The following NXPH1 variants were observed in gnomAD, a reference collection of about 807,000 sequenced individuals.
NXPH1 encodes neurexophilin 1.
A neutral mutation model predicts 23.7 loss-of-function variants in NXPH1; 5 were observed. The observed-to-expected ratio is 0.21, with a 90% CI of 0.11 to 0.44. NXPH1 has a LOEUF of 0.44. Among genes scored for constraint, NXPH1 ranks in the 20% least tolerant of loss-of-function variants. The pLI is 0.99. For synonymous variants in NXPH1, 144 were observed against 122.2 expected, an observed-to-expected ratio of 1.18 and a Z score of -1.18; for missense variants, 324 against 321.6, an observed-to-expected ratio of 1.01 and a Z score of -0.06.
chr7:8,512,383 G>C (rs780214204), intron 2 of NXPH1, among the ~76,000 whole-genome samples: 7 of 152,096 alleles, frequency 4.6e-5, no homozygotes, highest in Non-Finnish European at 7.4e-5. Flanking sequence ...TGAGAACACA[G>C]AGGTATATAA....
rs148569108 is a variant in NXPH1 at position 8,684,913 on chromosome 7, G to A, written c.55-66095G>A. ...ATAATGTGTGGGTTTGATTTCAAGT[G>A]TAGATGATCCAGGATGTGTTTTAAA... On this transcript the variant is annotated intron_variant, in intron 2 of 2. Transcript: ENST00000405863. Among the ~76,000 whole-genome samples, 219 of 152,244 alleles carry A rather than the reference G, an allele frequency of 1.4e-3. 1 individual carries two copies. The highest frequency in any genetic ancestry group is 3.5e-3 in the African/African-American group (146 of 41,570).
intron 2 of NXPH1, among the ~76,000 whole-genome samples, chr7:8,561,351 G>GACACAC (rs61219039): frequency 0.077 from 10,836 of 140,830 alleles, 494 homozygotes; most frequent in African/African-American, 0.12. Context: ...AAGCCTATGT[G>GACACAC]ACACACACAC....
At chr7:8,607,223 A>G (rs554703018) in intron 2 of NXPH1, among the ~76,000 whole-genome samples, 13 of 152,286 alleles carry the variant, frequency 8.5e-5, no homozygotes, top group African/African-American at 2.6e-4. Flanking sequence ...CATAATTAAT[A>G]CAGTACTTAT....
chr7:8,463,147 G>A (rs1233255885), intron 2 of NXPH1, among the ~76,000 whole-genome samples: 1 of 152,100 alleles, frequency 6.6e-6, no homozygotes, highest in Non-Finnish European at 1.5e-5. Flanking sequence ...TGGAAAATAA[G>A]CCTTTTATAA....
chr7:8,543,300 G>T (rs1304275035), intron 2 of NXPH1, among the ~76,000 whole-genome samples: 4 of 151,406 alleles, frequency 2.6e-5, no homozygotes, highest in Non-Finnish European at 5.9e-5. Flanking sequence ...CCTTATCCAT[G>T]CAAGCTCCCA....
intron 2 of NXPH1, among the ~76,000 whole-genome samples, chr7:8,554,248 C>T (rs149728530): frequency 7.3e-5 from 11 of 151,624 alleles, no homozygotes; most frequent in Non-Finnish European, 1.3e-4. Flanking sequence ...AGGATGACAC[C>T]GAAGTTGTCT....
chr7:8,441,555 G>T (rs1816299416), intron 2 of NXPH1, among the ~76,000 whole-genome samples: 1 of 152,122 alleles, frequency 6.6e-6, no homozygotes, highest in African/African-American at 2.4e-5. Context: ...AAAGTCGAAT[G>T]AATTACGTTT....
At position 8,751,458 on chromosome 7, in the gene NXPH1, C is replaced by A. The variant is rs1384557610; in HGVS notation, c.505C>A (p.Pro169Thr). The change falls in exon 3 of 3, where the codon CCC becomes ACC. Residue 169 changes from proline to threonine, a missense_variant. By Grantham distance (38) the Pro-to-Thr change is conservative (BLOSUM62 -1). Transcript: ENST00000405863. The surrounding 1 kb of genome is among the most constrained non-coding windows in gnomAD (Gnocchi z 4.5). ...GQGNVSVSLV[P>T]PTKIVEFDLA... ...AGGGAATGTATCTGTCAGCTTGGTA[C>A]CCCCTACAAAAATCGTGGAATTTGA... 15 of 1,613,640 alleles carry A rather than the reference C, an allele frequency of 9.3e-6. No homozygotes were observed. The highest frequency in any genetic ancestry group is 1.2e-5 in the Non-Finnish European group (14 of 1,179,826).
At chr7:8,505,066 G>A (rs1239455709) in intron 2 of NXPH1, among the ~76,000 whole-genome samples, 1 of 152,040 alleles carries the variant, frequency 6.6e-6, no homozygotes, top group Non-Finnish European at 1.5e-5. Context: ...CCTGCACACA[G>A]TAGGGGATCA....
chr7:8,713,415 G>A (rs1225934111), intron 2 of NXPH1, among the ~76,000 whole-genome samples: 1 of 151,990 alleles, frequency 6.6e-6, no homozygotes, highest in Non-Finnish European at 1.5e-5. Flanking sequence ...CTTTGTGAAA[G>A]GTCACATATC....
intron 2 of NXPH1, among the ~76,000 whole-genome samples, chr7:8,649,236 C>A (rs1231950291): frequency 6.6e-6 from 1 of 151,938 alleles, no homozygotes; most frequent in Non-Finnish European, 1.5e-5. Flanking sequence ...ATTGTGATTG[C>A]CAACATATTT....
At chr7:8,608,664 C>G (rs1819553096) in intron 2 of NXPH1, among the ~76,000 whole-genome samples, 1 of 151,948 alleles carries the variant, frequency 6.6e-6, no homozygotes, top group Non-Finnish European at 1.5e-5. Flanking sequence ...GCTTTGAAAA[C>G]ATTGACTTTT....
Position 8,739,279 on chromosome 7 carries a change from G to C in NXPH1, c.55-11729G>C, listed in dbSNP as rs985614745. Reference sequence around the variant, plus strand: ...TGAAACTCAGGGCCCTGGTGGTATAGGCACCCGAGGGAATCTCCTGGTCTG... The same window carrying C: ...TGAAACTCAGGGCCCTGGTGGTATACGCACCCGAGGGAATCTCCTGGTCTG... On this transcript the variant is annotated intron_variant, in intron 2 of 2. Coordinates refer to ENST00000405863, the MANE Select transcript of NXPH1 (RefSeq NM_152745.3). Among the ~76,000 whole-genome samples, 5 of 151,496 alleles carry C rather than the reference G, an allele frequency of 3.3e-5. No individual in the cohort carries two copies. The South Asian group carries it at 1.0e-3, about 32-fold the overall frequency.
chr7:8,630,543 T>C (rs1242978615), intron 2 of NXPH1, among the ~76,000 whole-genome samples: 1 of 152,136 alleles, frequency 6.6e-6, no homozygotes, highest in Non-Finnish European at 1.5e-5. Context: ...TATAAAAATG[T>C]TCTACAAGCA....
chr7:8,559,693 T>C (rs1240636828), intron 2 of NXPH1, among the ~76,000 whole-genome samples: 2 of 151,692 alleles, frequency 1.3e-5, no homozygotes, highest in African/African-American at 4.8e-5. Context: ...CAGGGCCAAG[T>C]GTAGACCTTA....
chr7:8,699,655 C>T (rs1308563191), intron 2 of NXPH1, among the ~76,000 whole-genome samples: 4 of 152,092 alleles, frequency 2.6e-5, no homozygotes, highest in African/African-American at 4.8e-5. Flanking sequence ...TGTACTATAT[C>T]AAAGAGTTTT....
At chr7:8,600,035 G>A (rs192772683) in intron 2 of NXPH1, among the ~76,000 whole-genome samples, 14 of 152,084 alleles carry the variant, frequency 9.2e-5, no homozygotes, top group South Asian at 2.1e-4. Context: ...GGAAGGTGGC[G>A]TTGGTGGAGG....
intron 2 of NXPH1, among the ~76,000 whole-genome samples, chr7:8,492,603 T>C (rs10282690): frequency 0.041 from 6,177 of 152,122 alleles, 363 homozygotes; most frequent in East Asian, 0.26. Flanking sequence ...AATCAACTGG[T>C]ATGTAAATAA....
intron 2 of NXPH1, among the ~76,000 whole-genome samples, chr7:8,445,891 T>C (rs895326719): frequency 6.6e-6 from 1 of 152,226 alleles, no homozygotes; most frequent in Non-Finnish European, 1.5e-5. Context: ...ATGAAAGTAA[T>C]TTTGGTAAAG....
Sources: allele counts gnomAD v4.1 joint callset (sites outside exome capture counted in the v4.1 genomes callset), GRCh38; gene constraint gnomAD v4.1.1; non-coding constraint Gnocchi (gnomAD v3.1); transcripts MANE v1.5; gene names NCBI Gene and HGNC (gene_info 2026-07-23, HGNC 2026-07-21).